Variants in CES5A observed in about 807,000 individuals in gnomAD.
The protein encoded by CES5A is carboxylesterase 5.
A neutral mutation model predicts 62.9 loss-of-function variants in CES5A; 67 were observed. The ratio of observed to expected loss-of-function variants is 1.07; its 90% CI spans 0.88 to 1.31. The LOEUF (loss-of-function observed/expected upper bound fraction) is 1.31, where lower values mean the gene tolerates loss of function less well. CES5A is among the 50% of genes most tolerant of loss of function. The pLI is 0.00. For synonymous variants in CES5A, 296 were observed against 280.8 expected (o/e 1.05, Z -0.54); for missense variants, 748 against 708.5 (o/e 1.06, Z -0.63).
In CES5A at chr16:55,846,320, T is replaced by C. The variant is rs2033005398; in HGVS notation, c.*131A>G. 2.9e-6 allele frequency: 2 copies of C among 695,926 alleles called. No homozygotes were observed. The highest frequency in any genetic ancestry group is 4.9e-6 in the Non-Finnish European group (2 of 410,246). The allele number at this position is 695,926 out of a possible 1,614,324, so 43.1% of individuals were successfully genotyped here. A position where few individuals can be genotyped will look rare whatever the true frequency, so the allele number is the denominator to read the frequency against. ...TCTGTAAGGATCATTCCTAAGTCCA[T>C]AAAATATCAGCGAAAGCAGCTTGTT... On this transcript the variant is annotated 3_prime_UTR_variant, in exon 13 of 13. Coordinates refer to ENST00000290567, the MANE Select transcript of CES5A (RefSeq NM_001143685.2).
intron 1 of CES5A, among the ~76,000 whole-genome samples, chr16:55,902,266 G>C (rs1019234610): frequency 1.3e-5 from 2 of 152,118 alleles, no homozygotes; most frequent in Admixed American, 1.3e-4. Flanking sequence ...GCATGGAATG[G>C]GTAGCAGAAA....
chr16:55,894,007 T>C (rs181330660), intron 1 of CES5A, among the ~76,000 whole-genome samples: 6 of 151,940 alleles, frequency 3.9e-5, no homozygotes, highest in African/African-American at 1.2e-4. Context: ...CATTGGATTG[T>C]AGAAAAAAAG....
intron 1 of CES5A, among the ~76,000 whole-genome samples, chr16:55,897,488 G>C (rs1222330660): frequency 6.6e-6 from 1 of 152,186 alleles, no homozygotes; most frequent in Non-Finnish European, 1.5e-5. Flanking sequence ...TTTCTTGTCA[G>C]TCAACACCCA....
chr16:55,904,216 A>T (rs1309297550), intron 1 of CES5A, among the ~76,000 whole-genome samples: 1 of 152,240 alleles, frequency 6.6e-6, no homozygotes, highest in Non-Finnish European at 1.5e-5. Flanking sequence ...TGGCATGATC[A>T]CGAAAGAGAC....
At chr16:55,910,714 G>A (rs2034084200) in intron 1 of CES5A, among the ~76,000 whole-genome samples, 1 of 152,214 alleles carries the variant, frequency 6.6e-6, no homozygotes, top group Admixed American at 6.5e-5. Flanking sequence ...TCAAGAGCAT[G>A]GAAGTCTATT....
chr16:55,876,943 A>G (rs2033702760), upstream of CES5A, among the ~76,000 whole-genome samples: 1 of 152,184 alleles, frequency 6.6e-6, no homozygotes. Flanking sequence ...CCTGTGCTGG[A>G]GCACAGTGTT....
intron 1 of CES5A, among the ~76,000 whole-genome samples, chr16:55,900,758 A>G (rs1365349084): frequency 6.6e-6 from 1 of 152,232 alleles, no homozygotes. Flanking sequence ...AGGGAAAGGT[A>G]GGCAGTTGGA....
At chr16:55,930,622 T>G (rs779668389) in intron 2 of CES5A, among the ~76,000 whole-genome samples, 68 of 152,338 alleles carry the variant, frequency 4.5e-4, no homozygotes, top group Non-Finnish European at 8.7e-4. Context: ...CTTCCCAGTC[T>G]TCAGAACTGT....
rs2033017550 is a variant in CES5A, at chr16:55,846,655, C to T, written c.1524G>A (p.Leu508=). 1 of 1,614,140 alleles carries T rather than the reference C, an allele frequency of 6.2e-7. No homozygotes were observed. Among genetic ancestry groups the T allele is most frequent in the African/African-American group, 1.3e-5 (1 of 75,026 alleles). The change falls in exon 13 of 13, where the codon CTG becomes CTA. Residue 508 remains leucine (L), a synonymous_variant. Coordinates refer to ENST00000290567, the MANE Select transcript of CES5A (RefSeq NM_001143685.2). ...GCTCAGTCAGATTATAAGCTGGCCA[C>T]AGAGACAGGTCGTTCCCATTAGGAT... The part of the protein sequence containing the change: ...TGNPNGNDLS[L]WPAYNLTEQY...
At chr16:55,951,053 G>A (rs1273023295) in intron 1 of CES5A, among the ~76,000 whole-genome samples, 1 of 124,646 alleles carries the variant, frequency 8.0e-6, no homozygotes, top group Admixed American at 1.0e-4. Flanking sequence ...AGTGAGCCAG[G>A]ATTGCGCCAC....
intron 2 of CES5A, among the ~76,000 whole-genome samples, chr16:55,948,256 A>AG (rs1414165224): frequency 6.6e-6 from 1 of 151,986 alleles, no homozygotes; most frequent in Non-Finnish European, 1.5e-5. Flanking sequence ...CCGAGAAAGG[A>AG]GGGAAAAAAA....
chr16:55,913,524 A>T (rs1279078641), intron 1 of CES5A, among the ~76,000 whole-genome samples: 4 of 152,166 alleles, frequency 2.6e-5, no homozygotes, highest in African/African-American at 9.7e-5. Flanking sequence ...TCTTTTCGGG[A>T]AAGGGCTATT....
chr16:55,885,345 C>T (rs960100011), intron 1 of CES5A, among the ~76,000 whole-genome samples: 8 of 152,120 alleles, frequency 5.3e-5, no homozygotes, highest in Admixed American at 6.6e-5. Flanking sequence ...ACCTGTCTTC[C>T]GAGACCACTT....
chr16:55,929,617 T>C (rs965114864), upstream of CES5A, among the ~76,000 whole-genome samples: 10 of 152,204 alleles, frequency 6.6e-5, no homozygotes, highest in Non-Finnish European at 1.3e-4. Context: ...ATAAATACTA[T>C]TTTCATGCAA....
chr16:55,883,254 CT>C (rs1189474800), intron 1 of CES5A, among the ~76,000 whole-genome samples: 1 of 151,830 alleles, frequency 6.6e-6, no homozygotes, highest in Non-Finnish European at 1.5e-5. Flanking sequence ...ACCATTGCAT[CT>C]TTTTTTTGTT....
At chr16:55,882,086 A>G (rs1030562934) in intron 1 of CES5A, among the ~76,000 whole-genome samples, 1 of 152,202 alleles carries the variant, frequency 6.6e-6, no homozygotes, top group Admixed American at 6.5e-5. Flanking sequence ...TATGTCGGCC[A>G]TAACAATGAA....
At chr16:55,934,930 G>A (rs529906114) in intron 2 of CES5A, among the ~76,000 whole-genome samples, 15 of 152,142 alleles carry the variant, frequency 9.9e-5, no homozygotes, top group African/African-American at 3.6e-4. Context: ...TTTGTTTTGG[G>A]TTTTTTTGTT....
chr16:55,858,362 T>C (rs867831683), intron 8 of CES5A, among the ~76,000 whole-genome samples: 46 of 152,360 alleles, frequency 3.0e-4, no homozygotes, highest in African/African-American at 8.9e-4. Context: ...TTCAAGTTGT[T>C]GCTTGGACAG....
chr16:55,939,395 A>T (rs1465836935), intron 2 of CES5A, among the ~76,000 whole-genome samples: 2 of 152,302 alleles, frequency 1.3e-5, no homozygotes, highest in African/African-American at 4.8e-5. Context: ...ACCTGGACTA[A>T]ATATGTGCAC....
Sources: gnomAD v4.1 joint callset for allele counts (sites outside exome capture counted in the v4.1 genomes callset) on GRCh38, gnomAD v4.1.1 for gene constraint, MANE v1.5 for transcripts, NCBI Gene and HGNC (gene_info 2026-07-23, HGNC 2026-07-21) for gene names.